CFAP54: variants seen among roughly 807,000 people sequenced by gnomAD.
The protein encoded by CFAP54 is cilia and flagella associated protein 54.
A neutral mutation model predicts 370.4 loss-of-function variants in CFAP54; 290 were observed. The observed-to-expected ratio is 0.78, with a 90% confidence interval of 0.71 to 0.86. CFAP54 has a LOEUF of 0.86. Among genes scored for constraint, CFAP54 ranks in the 40% least tolerant of loss-of-function variants. The pLI, the probability that CFAP54 is intolerant of heterozygous loss-of-function variation, is 0.00. For synonymous variants in CFAP54, 1,206 were observed against 1,236.5 expected, an observed-to-expected ratio of 0.98 and a Z score of 0.52; for missense variants, 3,399 against 3,528.7, an observed-to-expected ratio of 0.96 and a Z score of 0.93.
intron 50 of CFAP54, among the ~76,000 whole-genome samples, chr12:96,739,020 A>C (rs934638863): frequency 6.6e-6 from 1 of 152,214 alleles, no homozygotes; most frequent in Non-Finnish European, 1.5e-5. Context: ...GTAAGGTCAC[A>C]TTTTGAGGTA....
rs1409933152 is a variant in CFAP54 at position 96,757,551 on chromosome 12, C to A, written c.8003C>A (p.Pro2668Gln). Residue 2668 changes from proline (P) to glutamine (Q), a missense_variant, in exon 58 of 68, where the codon CCA (proline) becomes CAA (glutamine). By Grantham distance (76) the Pro-to-Gln change is moderately conservative. Transcript: ENST00000524981. ...CTATTGTATTTTCATCTGAAGAAGC[C>A]AAAGATAAAAATTTCAGGATCACCA... ...MALLYFHLKKPKIKISGSPLT... is the reference protein window; with the variant it reads ...MALLYFHLKKQKIKISGSPLT... The A allele has an allele frequency of 6.3e-7, 1 of 1,598,298 alleles. No homozygotes were observed. The highest frequency in any genetic ancestry group is 1.3e-5 in the African/African-American group (1 of 74,734).
Position 96,657,989 on chromosome 12 carries a change from T to A in CFAP54, c.5208T>A (p.Asn1736Lys), listed in dbSNP as rs1956941738. 6.2e-7 allele frequency: 1 copy of A among 1,613,684 alleles called. No homozygotes were observed. Among genetic ancestry groups the A allele is most frequent in the Admixed American group, 1.7e-5 (1 of 59,998 alleles). ...LTFEHPLDDV[N>K]VVDLKWIHDF... ...TTGAGCATCCTTTGGATGATGTAAA[T>A]GTGGTTGATTTGAAATGGATCCACG... The change falls in exon 37 of 68, where the codon AAT (asparagine) becomes AAA (lysine). Residue 1736 changes from asparagine to lysine, a missense_variant. Transcript: ENST00000524981.
chr12:96,799,207 A>G (rs898412670), intron 63 of CFAP54, among the ~76,000 whole-genome samples: 2 of 152,168 alleles, frequency 1.3e-5, no homozygotes, highest in Non-Finnish European at 2.9e-5. Flanking sequence ...AGCCTTGAAA[A>G]TGGGTCAAGC....
At chr12:96,565,726 A>T (rs1168440716) in intron 19 of CFAP54, among the ~76,000 whole-genome samples, 1 of 152,182 alleles carries the variant, frequency 6.6e-6, no homozygotes, top group Non-Finnish European at 1.5e-5. Flanking sequence ...TGCAGGGCAG[A>T]CACCTCATCT....
In CFAP54 at chr12:96,539,064, G is replaced by GTTTTT. The variant is rs1314197505; in HGVS notation, c.1926+555_1926+559dup. 1.3e-3 allele frequency among the ~76,000 whole-genome samples: 143 copies of GTTTTT among 111,806 alleles called. 7 individuals are homozygous for GTTTTT. The highest frequency in any genetic ancestry group is 1.4e-3 in the Non-Finnish European group (78 of 55,868). 73.3% of individuals were successfully genotyped at this position (111,806 alleles called of 152,430 possible). On this transcript the variant is annotated intron_variant, in intron 13 of 67. Coordinates refer to ENST00000524981, the MANE Select transcript of CFAP54 (RefSeq NM_001306084.2). ...GAGCCACCACGCCCGGCCTTTTCAG[G>GTTTTT]TTTTTTTTTTTTTGTTTTTGTTTTT... is the stretch of plus-strand genomic sequence containing the variant.
rs762233735 is a variant in CFAP54 at position 96,644,212 on chromosome 12, C to T, written c.4351C>T (p.Arg1451Ter). 22 of 1,535,680 alleles carry T rather than the reference C, an allele frequency of 1.4e-5. 1 individual carries two copies. The highest frequency in any genetic ancestry group is 3.3e-4 in the Middle Eastern group (2 of 6,006). Residue 1451 changes from arginine to a stop codon, truncating the protein, a stop_gained, in exon 33 of 68, where the codon CGA becomes TGA. Coordinates refer to ENST00000524981, the MANE Select transcript of CFAP54 (RefSeq NM_001306084.2). LOFTEE classifies it high-confidence loss of function. The part of the protein sequence containing the change: ...RRTSVRKAAQ[R>*]YLMDYLNPLI... ...AACCAGTGTTAGGAAAGCAGCACAACGATACCTGATGGATTACTTGAATCC... is the reference window on the plus strand; with the variant it reads ...AACCAGTGTTAGGAAAGCAGCACAATGATACCTGATGGATTACTTGAATCC...
chr12:96,774,178 T>C (rs903388867), intron 60 of CFAP54, among the ~76,000 whole-genome samples: 10 of 152,194 alleles, frequency 6.6e-5, no homozygotes, highest in Non-Finnish European at 1.3e-4. Flanking sequence ...TAAGTATTTG[T>C]AGAAGTCCTT....
At chr12:96,677,573 G>T (rs1452175874) in intron 39 of CFAP54, among the ~76,000 whole-genome samples, 2 of 152,154 alleles carry the variant, frequency 1.3e-5, no homozygotes, top group African/African-American at 2.4e-5. Context: ...ACTGGGCATG[G>T]CTTAGCAGAG....
intron 1 of CFAP54, among the ~76,000 whole-genome samples, 168 bp from the exon 2 acceptor site, chr12:96,500,666 G>C (rs1431436059): frequency 1.3e-5 from 2 of 152,144 alleles, no homozygotes; most frequent in East Asian, 3.8e-4. Flanking sequence ...TGGTACATAG[G>C]AAGCAATAAT....
chr12:96,763,646 G>T (rs1958362968), intron 58 of CFAP54, among the ~76,000 whole-genome samples: 1 of 152,056 alleles, frequency 6.6e-6, no homozygotes, highest in Admixed American at 6.6e-5. Flanking sequence ...GGGTGTGGTG[G>T]TGCATGCCTG....
chr12:96,794,327 T>C (rs1373363231), intron 63 of CFAP54, among the ~76,000 whole-genome samples: 1 of 152,206 alleles, frequency 6.6e-6, no homozygotes, highest in Non-Finnish European at 1.5e-5. Flanking sequence ...TTTCCTCAAA[T>C]ACATTTTCCA....
intron 17 of CFAP54, chr12:96,555,080 C>T (rs1477885958): frequency 4.7e-6 from 1 of 212,340 alleles, no homozygotes; most frequent in Admixed American, 5.8e-5. Context: ...ACCAAGCAAA[C>T]ATTTACTGAG....
At chr12:96,666,448 T>A (rs755366974) in intron 39 of CFAP54, among the ~76,000 whole-genome samples, 10 of 152,144 alleles carry the variant, frequency 6.6e-5, no homozygotes, top group Non-Finnish European at 1.3e-4. Flanking sequence ...ACTGGATAAT[T>A]TATAAACAAA....
At chr12:96,690,186 TAAAATA>T (rs1957374651) in intron 43 of CFAP54, among the ~76,000 whole-genome samples, 1 of 152,238 alleles carries the variant, frequency 6.6e-6, no homozygotes. Context: ...ATACTATACC[TAAAATA>T]AAAATTAGCT....
At chr12:96,546,978 C>A (rs902058184) in intron 14 of CFAP54, among the ~76,000 whole-genome samples, 3 of 152,074 alleles carry the variant, frequency 2.0e-5, no homozygotes, top group Non-Finnish European at 4.4e-5. Flanking sequence ...AAGAGCTGAT[C>A]AATATTGGAG....
intron 55 of CFAP54, among the ~76,000 whole-genome samples, chr12:96,745,642 A>T (rs1020719223): frequency 6.6e-6 from 1 of 152,096 alleles, no homozygotes; most frequent in East Asian, 1.9e-4. Flanking sequence ...CATTCTGATG[A>T]TAGTTTCTTT....
chr12:96,706,667 T>C (rs902286487), intron 47 of CFAP54, among the ~76,000 whole-genome samples: 2 of 152,186 alleles, frequency 1.3e-5, no homozygotes, highest in Non-Finnish European at 2.9e-5. Context: ...CATAAAGGGA[T>C]TACTTTTCCT....
At chr12:96,707,691 G>C (rs1366561983) in intron 47 of CFAP54, among the ~76,000 whole-genome samples, 2 of 152,198 alleles carry the variant, frequency 1.3e-5, no homozygotes, top group Non-Finnish European at 2.9e-5. Context: ...ATTGGAGAAA[G>C]GAGTGAAGGC....
At chr12:96,776,989 A>G (rs1045111652) in intron 60 of CFAP54, among the ~76,000 whole-genome samples, 1 of 152,234 alleles carries the variant, frequency 6.6e-6, no homozygotes, top group African/African-American at 2.4e-5. Flanking sequence ...TCGTTACTTC[A>G]AAACTTGAAT....
Sources: allele counts gnomAD v4.1 joint callset (sites outside exome capture counted in the v4.1 genomes callset), GRCh38; gene constraint gnomAD v4.1.1; transcripts MANE v1.5; gene names NCBI Gene and HGNC (gene_info 2026-07-23, HGNC 2026-07-21).